TVP23B: variants seen among roughly 807,000 people sequenced by gnomAD.
TVP23B encodes the protein Golgi apparatus membrane protein TVP23 homolog B.
A neutral mutation model predicts 30.6 loss-of-function variants in TVP23B; 10 were observed. The ratio of observed to expected loss-of-function variants is 0.33; its 90% CI spans 0.20 to 0.55. The LOEUF is 0.55. Among genes scored for constraint, TVP23B ranks in the 20% least tolerant of loss-of-function variants. TVP23B has a pLI of 0.91. For missense variants in TVP23B, 153 were observed against 243.2 expected (o/e 0.63, Z 2.47); for synonymous variants, 67 against 83.1 (o/e 0.81, Z 1.06).
Position 18,789,573 on chromosome 17 carries a change from G to A in TVP23B, c.95+138G>A, listed in dbSNP as rs1597616507. ...CTGCATGTTGCTAATTTGACGTTTA[G>A]TGTACGACAAAGATGACATTTCAGA... On this transcript the variant is annotated intron_variant, in intron 2 of 6. Transcript: ENST00000307767. The A allele has an allele frequency of 6.9e-6, 8 of 1,151,934 alleles. No homozygotes were observed. In the East Asian group the frequency reaches 2.0e-4, roughly 29 times the overall value. The allele number at this position is 1,151,934 out of a possible 1,614,324, so 71.4% of individuals were successfully genotyped here.
intron 3 of TVP23B, among the ~76,000 whole-genome samples, chr17:18,793,893 GA>G (rs1214671893): frequency 6.6e-6 from 1 of 151,872 alleles, no homozygotes; most frequent in Non-Finnish European, 1.5e-5. Context: ...AATGACATTA[GA>G]AAAAATAAAA....
intron 1 of TVP23B, among the ~76,000 whole-genome samples, chr17:18,787,402 CAAAA>C (rs565447334): frequency 2.2e-5 from 2 of 90,058 alleles, no homozygotes; most frequent in African/African-American, 9.1e-5. Context: ...GACTCTGTCT[CAAAA>C]AAAAAAAAAA....
intron 5 of TVP23B, among the ~76,000 whole-genome samples, chr17:18,800,549 T>C (rs1410625263): frequency 2.6e-5 from 4 of 152,232 alleles, no homozygotes; most frequent in Non-Finnish European, 4.4e-5. Flanking sequence ...TGGAAGATGC[T>C]ATTCCATCAT....
At position 18,805,478 on chromosome 17, in the gene TVP23B, T is replaced by A. The variant is rs2036235366; in HGVS notation, c.592-63T>A. Reference sequence around the variant, plus strand: ...TGTTTTCCTAGGCCTAGTCCCCAAGTCCATGGTGTGTGAAGTGAAATAACT... The same window carrying A: ...TGTTTTCCTAGGCCTAGTCCCCAAGACCATGGTGTGTGAAGTGAAATAACT... On this transcript the variant is annotated intron_variant, in intron 6 of 6. Transcript: ENST00000307767. 19 of 1,598,546 alleles carry A rather than the reference T, an allele frequency of 1.2e-5. No individual in the cohort carries two copies. The South Asian group carries it at 2.2e-4, about 18-fold the overall frequency.
Position 18,798,932 on chromosome 17 carries a change from G to A in TVP23B, c.451G>A (p.Val151Ile), listed in dbSNP as rs529177557. 114 of 1,612,802 alleles carry A rather than the reference G, an allele frequency of 7.1e-5. No individual in the cohort carries two copies. The African/African-American group carries it at 1.3e-3, about 18-fold the overall frequency. ...TTTTAGTGCACTCTTCTCCTTCAGA[G>A]TAAAGTGGTTGGTGAGTATCAGTGT... ...FAFSALFSFR[V>I]KWLAVVIMGV... Residue 151 changes from valine (V) to isoleucine (I), a missense_variant, in exon 5 of 7, where the codon GTA becomes ATA. By Grantham distance (29) the Val-to-Ile change is conservative. Coordinates refer to ENST00000307767, the MANE Select transcript of TVP23B (RefSeq NM_016078.6).
intron 1 of TVP23B, among the ~76,000 whole-genome samples, chr17:18,788,356 G>T (rs2035941974): frequency 6.9e-6 from 1 of 144,932 alleles, no homozygotes; most frequent in Non-Finnish European, 1.5e-5. Context: ...AAAAGCCTAA[G>T]GTTGTAAAAG....
At chr17:18,804,532 T>C in intron 6 of TVP23B, 3 of 1,268,718 alleles carry the variant, frequency 2.4e-6, no homozygotes, top group Non-Finnish European at 3.0e-6. Context: ...AGTTCAGTTG[T>C]TTTTCATCAA....
In TVP23B at chr17:18,805,525, T is replaced by TC. The variant is rs1239636725; in HGVS notation, c.592-16_592-15insC. On this transcript the variant is annotated splice_polypyrimidine_tract_variant and intron_variant, in intron 6 of 6. Coordinates refer to ENST00000307767, the MANE Select transcript of TVP23B (RefSeq NM_016078.6). ...AACTTTGATGTTAAGGAGTTTTTTT[T>TC]TTTTGTCTTTTGCAGAACACTGGAG... 4 of 1,606,456 alleles carry TC rather than the reference T, an allele frequency of 2.5e-6. No homozygotes were observed. The South Asian group carries it at 4.5e-5, about 18-fold the overall frequency.
chr17:18,790,288 C>T (rs2035970489), intron 2 of TVP23B, among the ~76,000 whole-genome samples: 2 of 151,712 alleles, frequency 1.3e-5, no homozygotes, highest in African/African-American at 4.8e-5. Flanking sequence ...CATGGTGAAA[C>T]CCCATCTCTA....
Position 18,789,355 on chromosome 17 carries a change from T to G in TVP23B, c.15T>G (p.Asp5Glu). Residue 5 changes from aspartate (D) to glutamate (E), a missense_variant and splice_region_variant, in exon 2 of 7, where the codon GAT (aspartate) becomes GAG (glutamate). Asp to Glu is a conservative substitution (Grantham distance 45). Coordinates refer to ENST00000307767, the MANE Select transcript of TVP23B (RefSeq NM_016078.6). Reference protein sequence around the residue: MLQQDSNDDTEDVSL... With the variant: MLQQESNDDTEDVSL... ...TGACCATTTATTTTTCCTACCAGGA[T>G]AGTAATGATGACACTGAAGATGTTT... The G allele has an allele frequency of 6.2e-7, 1 of 1,613,992 alleles. No homozygotes were observed. Among genetic ancestry groups the G allele is most frequent in the Non-Finnish European group, 8.5e-7 (1 of 1,179,872 alleles).
intron 5 of TVP23B, chr17:18,799,190 A>AATCTGTTTTAGTT (rs552777184): frequency 1.8e-5 from 1 of 56,460 alleles, no homozygotes; most frequent in Non-Finnish European, 3.4e-5. Flanking sequence ...AATGGTTGGT[A>AATCTGTTTTAGTT]ACCTATTGCT....
At chr17:18,784,422 G>A (rs549930891) in intron 1 of TVP23B, among the ~76,000 whole-genome samples, 1 of 152,158 alleles carries the variant, frequency 6.6e-6, no homozygotes, top group South Asian at 2.1e-4. Flanking sequence ...CAGGATGGGT[G>A]GATCATGAGG....
intron 3 of TVP23B, among the ~76,000 whole-genome samples, chr17:18,794,457 A>G (rs369329621): frequency 6.6e-6 from 1 of 152,240 alleles, no homozygotes; most frequent in African/African-American, 2.4e-5. Flanking sequence ...AACTGTAAAT[A>G]TAGGTTATTT....
intron 4 of TVP23B, among the ~76,000 whole-genome samples, chr17:18,798,590 T>C (rs1420992881): frequency 6.6e-6 from 1 of 152,180 alleles, no homozygotes; most frequent in Non-Finnish European, 1.5e-5. Context: ...TGAGTTGTGG[T>C]AAACCATCCA....
At chr17:18,792,826 T>C (rs987165945) in intron 3 of TVP23B, among the ~76,000 whole-genome samples, 3 of 152,202 alleles carry the variant, frequency 2.0e-5, no homozygotes, top group African/African-American at 7.2e-5. Context: ...AGGGAAATTA[T>C]TAAGTGGACT....
chr17:18,781,447 T>C, intron 1 of TVP23B, 142 bp downstream of exon 1: 2 of 1,443,592 alleles, frequency 1.4e-6, no homozygotes, highest in Non-Finnish European at 1.8e-6. Context: ...GGGCTGTGGG[T>C]AGTTGTCTGA....
chr17:18,788,445 A>G (rs1345781076), intron 1 of TVP23B, among the ~76,000 whole-genome samples: 1 of 152,052 alleles, frequency 6.6e-6, no homozygotes, highest in East Asian at 1.9e-4. Flanking sequence ...TTTTTGCCTA[A>G]TAAGTGGCCT....
At chr17:18,788,697 G>A (rs192132019) in intron 1 of TVP23B, among the ~76,000 whole-genome samples, 104 of 151,990 alleles carry the variant, frequency 6.8e-4, no homozygotes, top group African/African-American at 2.0e-3. Context: ...CAGGAGAATC[G>A]TTTGAACCCG....
chr17:18,792,276 T>C (rs1230650925), intron 3 of TVP23B, among the ~76,000 whole-genome samples: 2 of 152,198 alleles, frequency 1.3e-5, no homozygotes, highest in African/African-American at 4.8e-5. Flanking sequence ...CCTCAAGGGA[T>C]CTGCCCACCT....
Sources: allele counts gnomAD v4.1 joint callset (sites outside exome capture counted in the v4.1 genomes callset), GRCh38; gene constraint gnomAD v4.1.1; transcripts MANE v1.5; gene names NCBI Gene and HGNC (gene_info 2026-07-23, HGNC 2026-07-21).